Variants in NAV2 observed in about 807,000 individuals in gnomAD.
NAV2 encodes the protein helicase, APC down-regulated 1.
NAV2 carries 54 observed loss-of-function variants against 223.2 expected under a neutral mutation model. The ratio of observed to expected loss-of-function variants is 0.24; its 90% CI spans 0.19 to 0.30. The LOEUF is 0.30. NAV2 is among the 10% of genes least tolerant of loss of function. The pLI, the probability that NAV2 is intolerant of heterozygous loss-of-function variation, is 1.00. For synonymous variants in NAV2, 1,279 were observed against 1,239.3 expected, an observed-to-expected ratio of 1.03 and a Z score of -0.67; for missense variants, 2,806 against 3,147.5, an observed-to-expected ratio of 0.89 and a Z score of 2.60.
intron 1 of NAV2, among the ~76,000 whole-genome samples, chr11:19,390,816 G>A (rs775288208): frequency 2.6e-5 from 4 of 152,174 alleles, no homozygotes; most frequent in Non-Finnish European, 4.4e-5. Context: ...GTACCAGGAG[G>A]CCCTGAGATG....
intron 1 of NAV2, among the ~76,000 whole-genome samples, chr11:19,657,951 G>A (rs2048173625): frequency 6.6e-6 from 1 of 151,926 alleles, no homozygotes; most frequent in East Asian, 1.9e-4. Flanking sequence ...GGGGAACACA[G>A]GTATTATTAA....
intron 12 of NAV2, among the ~76,000 whole-genome samples, chr11:20,041,893 CA>C (rs2056949731): frequency 6.6e-6 from 1 of 152,200 alleles, no homozygotes; most frequent in Non-Finnish European, 1.5e-5. Flanking sequence ...ACCTCATTGT[CA>C]TCTAAATTAG....
intron 1 of NAV2, among the ~76,000 whole-genome samples, chr11:19,817,204 GC>G (rs1448406500): frequency 6.6e-6 from 1 of 152,028 alleles, no homozygotes; most frequent in Non-Finnish European, 1.5e-5. Context: ...GGTCTGAATG[GC>G]CCTAAGAAAA....
At chr11:19,348,369 GA>G (rs1853114363), upstream of NAV2, among the ~76,000 whole-genome samples, 1 of 152,176 alleles carries the variant, frequency 6.6e-6, no homozygotes, top group Admixed American at 6.5e-5. Flanking sequence ...CAGTAGCTAT[GA>G]AAAGTGTAGA....
intron 19 of NAV2, 22 bp from the exon 20 acceptor site, chr11:20,062,284 AC>A: frequency 1.3e-6 from 2 of 1,572,604 alleles, no homozygotes. Flanking sequence ...CTATCAATTC[AC>A]CTTTTTTTTT....
At chr11:19,565,419 T>A (rs1487197) in intron 1 of NAV2, among the ~76,000 whole-genome samples, 9,803 of 152,240 alleles carry the variant, frequency 0.064, 646 homozygotes, top group African/African-American at 0.16. Context: ...AGTCCTTTGG[T>A]GAGAGCTTCG....
chr11:20,079,962 A>G (rs4237748), intron 24 of NAV2, 102 bp from the exon 25 acceptor site: 1,167,045 of 1,328,164 alleles, frequency 0.88, 513,532 homozygotes, highest in East Asian at 0.97. Flanking sequence ...GAAAACACCC[A>G]GTAGTCCTCA....
At chr11:19,650,724 TGGAATACTACCC>T (rs760477894) in intron 1 of NAV2, among the ~76,000 whole-genome samples, 13 of 152,308 alleles carry the variant, frequency 8.5e-5, no homozygotes, top group Non-Finnish European at 1.9e-4. Flanking sequence ...ATTCACACAG[TGGAATACTACCC>T]GGCAATTAAA....
At chr11:19,759,088 C>T (rs1293411892) in intron 1 of NAV2, among the ~76,000 whole-genome samples, 3 of 122,758 alleles carry the variant, frequency 2.4e-5, no homozygotes, top group African/African-American at 9.1e-5. Flanking sequence ...ATCTGAAAGA[C>T]ACTTTTTTTT....
At chr11:19,700,214 C>T (rs2049472337) in intron 1 of NAV2, among the ~76,000 whole-genome samples, 1 of 152,150 alleles carries the variant, frequency 6.6e-6, no homozygotes, top group Non-Finnish European at 1.5e-5. Context: ...TTCCAACAAC[C>T]CTATGAGGGA....
At chr11:20,031,778 C>G (rs1441502061) in intron 11 of NAV2, among the ~76,000 whole-genome samples, 5 of 151,642 alleles carry the variant, frequency 3.3e-5, no homozygotes, top group Non-Finnish European at 1.5e-5. Flanking sequence ...TTCTTCTCAG[C>G]GTTTCCTGTG....
At chr11:19,516,978 G>A (rs2043473416) in intron 1 of NAV2, among the ~76,000 whole-genome samples, 1 of 152,074 alleles carries the variant, frequency 6.6e-6, no homozygotes, top group Non-Finnish European at 1.5e-5. Flanking sequence ...GGGAGGCTGA[G>A]GTGGGAGGAG....
intron 11 of NAV2, among the ~76,000 whole-genome samples, chr11:20,005,253 A>ATATATATAT (rs1277010848): frequency 2.2e-5 from 3 of 134,546 alleles, no homozygotes; most frequent in African/African-American, 8.4e-5. Context: ...ATATATATAT[A>ATATATATAT]TTTTTTTTTT....
chr11:19,378,626 T>C (rs1848725303), intron 1 of NAV2, among the ~76,000 whole-genome samples: 1 of 150,960 alleles, frequency 6.6e-6, no homozygotes, highest in Non-Finnish European at 1.5e-5. Context: ...GGGGGTGGGG[T>C]AGGGAGTCGC....
chr11:19,415,678 C>A lies in NAV2; in HGVS notation c.75+64651C>A, dbSNP rs537050430. On this transcript the variant is annotated intron_variant, in intron 1 of 37. Transcript: ENST00000360655. The stretch of plus-strand genomic sequence containing the variant: ...TCAGGCCAATATCCCTGATGAACAT[C>A]GATGCAAAAATCCTCAATAAAATAC... 2.0e-5 allele frequency among the ~76,000 whole-genome samples: 3 copies of A among 152,260 alleles called. No homozygotes were observed. In the South Asian group the frequency reaches 6.2e-4, roughly 32 times the overall value.
chr11:19,955,074 G>T (rs2047734242), intron 10 of NAV2, among the ~76,000 whole-genome samples: 1 of 151,884 alleles, frequency 6.6e-6, no homozygotes, highest in South Asian at 2.1e-4. Flanking sequence ...ATCTTCATTG[G>T]CTGGCACTGT....
Position 20,100,919 on chromosome 11 carries a change from T to C in NAV2, c.6182-18T>C. 1.9e-6 allele frequency: 3 copies of C among 1,607,836 alleles called. No individual in the cohort carries two copies. The highest frequency in any genetic ancestry group is 2.6e-6 in the Non-Finnish European group (3 of 1,174,406). On this transcript the variant is annotated intron_variant, in intron 31 of 37. Coordinates refer to ENST00000349880, the MANE Select transcript of NAV2 (RefSeq NM_145117.5). ...TTTCTACAGGGCTTCAGATGATTCCTGTCTCTCTCAAATGCAGGGCTCGCA... is the reference window on the plus strand; with the variant it reads ...TTTCTACAGGGCTTCAGATGATTCCCGTCTCTCTCAAATGCAGGGCTCGCA...
At chr11:19,385,637 C>T (rs1032188835) in intron 1 of NAV2, among the ~76,000 whole-genome samples, 2 of 152,080 alleles carry the variant, frequency 1.3e-5, no homozygotes, top group Admixed American at 1.3e-4. Context: ...TAACCTCTTG[C>T]CTTTGCCTCT....
chr11:20,086,616 G>T (rs1185168957), intron 26 of NAV2, among the ~76,000 whole-genome samples: 1 of 152,148 alleles, frequency 6.6e-6, no homozygotes, highest in Non-Finnish European at 1.5e-5. Context: ...CTCCATGGAG[G>T]TAAGTACTGT....
Sources: gnomAD v4.1 joint callset for allele counts (sites outside exome capture counted in the v4.1 genomes callset) on GRCh38, gnomAD v4.1.1 for gene constraint, MANE v1.5 for transcripts, NCBI Gene and HGNC (gene_info 2026-07-23, HGNC 2026-07-21) for gene names.